SAXO1: variants seen among roughly 807,000 people sequenced by gnomAD.
The protein encoded by SAXO1 is 4930500O09Rik.
A neutral mutation model predicts 17.5 loss-of-function variants in SAXO1; 21 were observed. That is an observed-to-expected ratio of 1.20 (90% confidence interval 0.85 to 1.72). SAXO1 has a LOEUF of 1.72. Ranked by LOEUF, SAXO1 falls within the 40% of genes most tolerant of loss-of-function variation. The probability of loss-of-function intolerance (pLI) is 0.00; values close to 1 mark genes in which losing one functional copy is unlikely to be tolerated. For synonymous variants in SAXO1, 274 were observed against 216.5 expected (o/e 1.27, Z -2.33); for missense variants, 843 against 596.0 (o/e 1.41, Z -4.32).
chr9:18,965,920 C>G (rs1464835835), intron 1 of SAXO1, among the ~76,000 whole-genome samples: 3 of 152,148 alleles, frequency 2.0e-5, no homozygotes, highest in Non-Finnish European at 2.9e-5. Context: ...CCTTCAGGAG[C>G]TGTTGTAAGG....
chr9:19,027,370 G>T, intron 1 of SAXO1: 1 of 772,772 alleles, frequency 1.3e-6, no homozygotes, highest in Non-Finnish European at 2.4e-6. Context: ...GGCCACAGAG[G>T]TGGATGAGAG....
chr9:18,967,990 G>C (rs1463660088), intron 1 of SAXO1, among the ~76,000 whole-genome samples: 2 of 152,164 alleles, frequency 1.3e-5, no homozygotes, highest in African/African-American at 4.8e-5. Flanking sequence ...GCCTCCGATG[G>C]CTAAGTGAGG....
At chr9:18,929,910 A>G (rs996225122) in intron 3 of SAXO1, among the ~76,000 whole-genome samples, 6 of 152,186 alleles carry the variant, frequency 3.9e-5, no homozygotes, top group African/African-American at 1.2e-4. Flanking sequence ...ATGTCGGTCA[A>G]TTGTGCTCAA....
intron 1 of SAXO1, among the ~76,000 whole-genome samples, chr9:18,989,263 T>C (rs1833709368): frequency 1.3e-5 from 2 of 152,208 alleles, no homozygotes; most frequent in African/African-American, 4.8e-5. Flanking sequence ...CCCTATTGCT[T>C]TTAAGTGAAA....
chr9:19,002,416 CCAAAGCCTGGCAGAGA>C (rs1461701386), intron 1 of SAXO1, among the ~76,000 whole-genome samples: 1 of 152,204 alleles, frequency 6.6e-6, no homozygotes. Context: ...CATCCTGATA[CCAAAGCCTGGCAGAGA>C]CACAACAAAA....
intron 1 of SAXO1, among the ~76,000 whole-genome samples, chr9:18,994,444 T>G (rs1833927894): frequency 6.6e-6 from 1 of 152,170 alleles, no homozygotes; most frequent in Admixed American, 6.6e-5. Context: ...TAGTTGTTAT[T>G]TATACTACGT....
intron 1 of SAXO1, among the ~76,000 whole-genome samples, chr9:19,025,920 C>G (rs149595777): frequency 1.3e-5 from 2 of 151,846 alleles, no homozygotes; most frequent in Non-Finnish European, 2.9e-5. Context: ...TCAGTTGGAC[C>G]AGAGCCTTCA....
intron 1 of SAXO1, among the ~76,000 whole-genome samples, chr9:19,003,692 T>A (rs368122823): frequency 1.3e-5 from 2 of 152,190 alleles, no homozygotes; most frequent in Non-Finnish European, 2.9e-5. Context: ...GCTAGCCATA[T>A]GTAGAAAGCT....
intron 1 of SAXO1, among the ~76,000 whole-genome samples, chr9:19,009,782 G>T (rs1834648261): frequency 6.6e-6 from 1 of 151,676 alleles, no homozygotes; most frequent in Non-Finnish European, 1.5e-5. Context: ...ACCTCAAAAA[G>T]AATATTCACC....
upstream of SAXO1, chr9:19,033,271 A>C (rs1835847958): frequency 1.6e-5 from 4 of 244,104 alleles, no homozygotes; most frequent in South Asian, 6.9e-4. Flanking sequence ...CAGGGCCAGG[A>C]GGGGCACGCC....
chr9:18,949,083 C>A (rs887958266), intron 2 of SAXO1, among the ~76,000 whole-genome samples: 4 of 152,104 alleles, frequency 2.6e-5, no homozygotes, highest in Non-Finnish European at 5.9e-5. Context: ...CTCTCAGAGA[C>A]AAAGAATACT....
chr9:18,985,490 C>A (rs944622061), intron 1 of SAXO1, among the ~76,000 whole-genome samples: 2 of 152,174 alleles, frequency 1.3e-5, no homozygotes, highest in Admixed American at 6.5e-5. Context: ...GCAATCAGAG[C>A]TGGCTAGGTT....
chr9:18,959,057 A>G (rs1445934751), intron 1 of SAXO1, among the ~76,000 whole-genome samples: 1 of 152,312 alleles, frequency 6.6e-6, no homozygotes, highest in South Asian at 2.1e-4. Context: ...TGGGAAAAAG[A>G]CATCTTATTT....
chr9:19,013,141 A>AG lies in SAXO1; in HGVS notation c.38+19729_38+19730insC, dbSNP rs528085518. Among the ~76,000 whole-genome samples the AG allele has an allele frequency of 3.2e-4, 49 of 152,310 alleles. No homozygotes were observed. In the South Asian group the frequency reaches 9.7e-3, roughly 30 times the overall value. Reference sequence around the variant, plus strand: ...TGGAGGGGAACCACACCAAAAAAAAAAGGAATTTGTGAAAGACTAAATACA... The same window carrying AG: ...TGGAGGGGAACCACACCAAAAAAAAAGAGGAATTTGTGAAAGACTAAATACA... On this transcript the variant is annotated intron_variant, in intron 1 of 3. Coordinates refer to ENST00000380534, the MANE Select transcript of SAXO1 (RefSeq NM_153707.4).
chr9:19,036,609 G>C (rs1406862136), upstream of SAXO1, among the ~76,000 whole-genome samples: 2 of 152,204 alleles, frequency 1.3e-5, no homozygotes, highest in Non-Finnish European at 2.9e-5. Context: ...AGCCTTGGCA[G>C]CTTCCGCATG....
chr9:18,949,104 C>T (rs1220545409), intron 2 of SAXO1, among the ~76,000 whole-genome samples: 2 of 152,156 alleles, frequency 1.3e-5, no homozygotes, highest in Non-Finnish European at 2.9e-5. Flanking sequence ...GTTTTCCCAG[C>T]AAAATGAAGC....
rs144841575 is a variant in SAXO1, at chr9:19,021,053, T to G, written c.38+11818A>C. On this transcript the variant is annotated intron_variant, in intron 1 of 3. Transcript: ENST00000380534. ...TCTTCCAAACTACATCTTTATTACC[T>G]AAAACTGCTCTCCTCTAGCTGCCCA... Among the ~76,000 whole-genome samples, 222 of 152,322 alleles carry G rather than the reference T, an allele frequency of 1.5e-3. 2 individuals carry two copies. The South Asian group carries it at 0.018, about 12-fold the overall frequency.
At chr9:19,046,755 A>G (rs1044987567) in intron 1 of SAXO1, among the ~76,000 whole-genome samples, 3 of 151,992 alleles carry the variant, frequency 2.0e-5, no homozygotes, top group Admixed American at 2.0e-4. Context: ...AATCCTAGCT[A>G]CTTGGGAGGC....
intron 1 of SAXO1, among the ~76,000 whole-genome samples, chr9:18,970,456 C>T (rs1483869641): frequency 6.6e-6 from 1 of 152,162 alleles, no homozygotes; most frequent in Non-Finnish European, 1.5e-5. Context: ...TAACCCCAAG[C>T]AGTTCATAAA....
Sources: gnomAD v4.1 joint callset for allele counts (sites outside exome capture counted in the v4.1 genomes callset) on GRCh38, gnomAD v4.1.1 for gene constraint, MANE v1.5 for transcripts, NCBI Gene and HGNC (gene_info 2026-07-23, HGNC 2026-07-21) for gene names.